Variants in ETV6 observed in about 807,000 individuals in gnomAD.
ETV6 encodes ETS variant transcription factor 6, also known as transcription factor ETV6.
A neutral mutation model predicts 51.1 loss-of-function variants in ETV6; 16 were observed. The observed-to-expected ratio is 0.31, with a 90% CI of 0.21 to 0.48. The LOEUF (loss-of-function observed/expected upper bound fraction) is 0.48, where lower values mean the gene tolerates loss of function less well. Ranked by LOEUF, ETV6 falls within the 20% of genes least tolerant of loss-of-function variation. ETV6 has a pLI of 0.99. For synonymous variants in ETV6, 240 were observed against 224.1 expected (o/e 1.07, Z -0.64); for missense variants, 458 against 594.8 (o/e 0.77, Z 2.39).
chr12:11,748,193 C>T (rs1178236451), intron 1 of ETV6, among the ~76,000 whole-genome samples: 2 of 152,188 alleles, frequency 1.3e-5, no homozygotes, highest in East Asian at 3.8e-4. Flanking sequence ...GGCATTTTTA[C>T]CCTAGCTGTG....
intron 1 of ETV6, among the ~76,000 whole-genome samples, chr12:11,657,132 CAGAG>C (rs138786989): frequency 6.6e-6 from 1 of 151,724 alleles, no homozygotes; most frequent in African/African-American, 2.4e-5. Flanking sequence ...GGGAAAGAAA[CAGAG>C]AAAGAGAGAG....
intron 1 of ETV6, among the ~76,000 whole-genome samples, chr12:11,695,883 C>A (rs1026903794): frequency 1.3e-5 from 2 of 152,198 alleles, no homozygotes; most frequent in Admixed American, 1.3e-4. Flanking sequence ...TTTTCCATAT[C>A]ACCAGTGACA....
chr12:11,772,961 G>A lies in ETV6; in HGVS notation c.163+20382G>A, dbSNP rs150400623. On this transcript the variant is annotated intron_variant, in intron 2 of 7. Coordinates refer to ENST00000396373, the MANE Select transcript of ETV6 (RefSeq NM_001987.5). ...TGTAATCCCAGCACTTTGGGAGGCC[G>A]AGGCAGGTGGGTCACAAGGTCAGGA... Among the ~76,000 whole-genome samples the A allele has an allele frequency of 2.7e-3, 417 of 152,168 alleles. 3 individuals carry two copies. The highest frequency in any genetic ancestry group is 9.7e-3 in the African/African-American group (402 of 41,508).
chr12:11,837,340 T>C (rs963016103), intron 2 of ETV6, among the ~76,000 whole-genome samples: 1 of 152,172 alleles, frequency 6.6e-6, no homozygotes, highest in Non-Finnish European at 1.5e-5. Context: ...TCTTAAATGC[T>C]CATCTCTAAT....
At chr12:11,865,887 G>A (rs946423304) in intron 4 of ETV6, among the ~76,000 whole-genome samples, 2 of 151,760 alleles carry the variant, frequency 1.3e-5, no homozygotes, top group African/African-American at 4.8e-5. Flanking sequence ...GAGATTCTTG[G>A]ACCTTCGAAT....
chr12:11,891,647 T>C lies in ETV6; in HGVS notation c.*601T>C. The C allele has an allele frequency of 1.9e-6, 1 of 526,668 alleles. No individual in the cohort carries two copies. Among genetic ancestry groups the C allele is most frequent in the Non-Finnish European group, 3.7e-6 (1 of 273,014 alleles). The allele number at this position is 526,668 out of a possible 1,614,324, so 32.6% of individuals were successfully genotyped here. On this transcript the variant is annotated 3_prime_UTR_variant, in exon 8 of 8. Coordinates refer to ENST00000396373, the MANE Select transcript of ETV6 (RefSeq NM_001987.5). ...AAAGATAAAATGAAAAGGAGAGCTC[T>C]CTTTTTCTCTCTCTTGCTCTGTTCT...
intron 6 of ETV6, among the ~76,000 whole-genome samples, chr12:11,885,171 G>A (rs959342752): frequency 7.2e-5 from 11 of 152,338 alleles, no homozygotes; most frequent in Non-Finnish European, 1.2e-4. Context: ...GCGGGTAACC[G>A]TGATCCAGGC....
At chr12:11,823,502 C>T (rs11834045) in intron 2 of ETV6, among the ~76,000 whole-genome samples, 51,814 of 148,582 alleles carry the variant, frequency 0.35, 9,493 homozygotes, top group Middle Eastern at 0.42. Context: ...AGTCTGGCAC[C>T]GTCTCCCAGG....
intron 2 of ETV6, among the ~76,000 whole-genome samples, chr12:11,791,899 A>C (rs1003616948): frequency 6.6e-6 from 1 of 152,134 alleles, no homozygotes. Flanking sequence ...TGGGCCTACT[A>C]ATCTTCAGGG....
rs566779667 is a variant in ETV6, at chr12:11,790,312, C to T, written c.163+37733C>T. 8.5e-5 allele frequency among the ~76,000 whole-genome samples: 13 copies of T among 152,226 alleles called. No homozygotes were observed. The South Asian group carries it at 1.0e-3, about 12-fold the overall frequency. On this transcript the variant is annotated intron_variant, in intron 2 of 7. Coordinates refer to ENST00000396373, the MANE Select transcript of ETV6 (RefSeq NM_001987.5). ...TTGCTGTCTGCCTTCTATACTCAAACGTCTGGTGATCCCTGCATGTCTGCC... is the reference window on the plus strand; with the variant it reads ...TTGCTGTCTGCCTTCTATACTCAAATGTCTGGTGATCCCTGCATGTCTGCC...
intron 2 of ETV6, among the ~76,000 whole-genome samples, chr12:11,827,062 A>C (rs563073834): frequency 7.0e-4 from 95 of 134,810 alleles, no homozygotes; most frequent in African/African-American, 2.5e-3. Flanking sequence ...AATAGAGAGA[A>C]GTCTGTCTCA....
At chr12:11,761,542 C>T (rs1285368092) in intron 2 of ETV6, among the ~76,000 whole-genome samples, 1 of 152,244 alleles carries the variant, frequency 6.6e-6, no homozygotes, top group Non-Finnish European at 1.5e-5. Context: ...ACTGAGTTTA[C>T]ACCTTAAAAC....
chr12:11,695,683 C>CTTGTGT (rs1475627455), intron 1 of ETV6, among the ~76,000 whole-genome samples: 3 of 152,266 alleles, frequency 2.0e-5, no homozygotes, highest in Non-Finnish European at 2.9e-5. Flanking sequence ...CATGGCTGTC[C>CTTGTGT]TTGTGTTTGT....
chr12:11,765,607 C>A (rs180880379), intron 2 of ETV6, among the ~76,000 whole-genome samples: 1 of 152,146 alleles, frequency 6.6e-6, no homozygotes, highest in Non-Finnish European at 1.5e-5. Flanking sequence ...GGGCTCTCAC[C>A]ACTTAACCAT....
chr12:11,846,881 G>T (rs1156964323), intron 3 of ETV6, among the ~76,000 whole-genome samples: 3 of 152,158 alleles, frequency 2.0e-5, no homozygotes, highest in Non-Finnish European at 4.4e-5. Context: ...TGTTTGTTTT[G>T]TTTTGTTTTG....
intron 1 of ETV6, among the ~76,000 whole-genome samples, chr12:11,702,083 G>A (rs190328205): frequency 2.8e-4 from 43 of 152,254 alleles, no homozygotes; most frequent in African/African-American, 7.9e-4. Context: ...GACCCCGTTC[G>A]ATCTGTGGGT....
chr12:11,788,825 C>T (rs1945530557), intron 2 of ETV6, among the ~76,000 whole-genome samples: 1 of 139,242 alleles, frequency 7.2e-6, no homozygotes, highest in South Asian at 2.4e-4. Context: ...GACAGTTTGT[C>T]CTTTCTTCCC....
chr12:11,729,786 A>G (rs919938967), intron 1 of ETV6, among the ~76,000 whole-genome samples: 1 of 152,280 alleles, frequency 6.6e-6, no homozygotes, highest in South Asian at 2.1e-4. Flanking sequence ...TCTTTAAAAA[A>G]TTTTTTTATC....
At chr12:11,814,789 G>T (rs1945966885) in intron 2 of ETV6, among the ~76,000 whole-genome samples, 1 of 152,226 alleles carries the variant, frequency 6.6e-6, no homozygotes, top group African/African-American at 2.4e-5. Context: ...GTCTAGGAAT[G>T]CAGGGGTTAA....
Sources: allele counts gnomAD v4.1 joint callset (sites outside exome capture counted in the v4.1 genomes callset), GRCh38; gene constraint gnomAD v4.1.1; transcripts MANE v1.5; gene names NCBI Gene and HGNC (gene_info 2026-07-23, HGNC 2026-07-21).